AP2B1: variants seen among roughly 807,000 people sequenced by gnomAD.
AP2B1 encodes the protein adaptor related protein complex 2 subunit beta 1.
A neutral mutation model predicts 102.0 loss-of-function variants in AP2B1; 23 were observed. The observed-to-expected ratio is 0.23, with a 90% confidence interval of 0.16 to 0.32. AP2B1 has a LOEUF of 0.32. Ranked by LOEUF, AP2B1 falls within the 10% of genes least tolerant of loss-of-function variation. The pLI, the probability that AP2B1 is intolerant of heterozygous loss-of-function variation, is 1.00. For synonymous variants in AP2B1, 381 were observed against 421.2 expected (o/e 0.90, Z 1.17); for missense variants, 541 against 1,157.4 (o/e 0.47, Z 7.73).
intron 16 of AP2B1, 122 bp downstream of exon 16, chr17:35,672,022 A>C: frequency 9.2e-7 from 1 of 1,092,504 alleles, no homozygotes; most frequent in East Asian, 2.5e-5. Flanking sequence ...GTTCTGGAGG[A>C]CTTAGAGGAA....
chr17:35,628,846 C>CATA (rs2074386531), intron 9 of AP2B1, among the ~76,000 whole-genome samples: 4 of 152,074 alleles, frequency 2.6e-5, no homozygotes, highest in Non-Finnish European at 5.9e-5. Context: ...CAACTGTTGG[C>CATA]TTGCAAAATT....
chr17:35,722,120 T>G (rs781894870), intron 21 of AP2B1, among the ~76,000 whole-genome samples: 11 of 152,176 alleles, frequency 7.2e-5, no homozygotes, highest in Non-Finnish European at 1.3e-4. Context: ...GGCACGCATC[T>G]GTAATCCTAG....
At chr17:35,588,789 T>A (rs531724380) in intron 1 of AP2B1, 1 of 152,364 alleles carries the variant, frequency 6.6e-6, no homozygotes, top group East Asian at 1.9e-4. Flanking sequence ...GCAGAAAGGA[T>A]GATGTATAAT....
intron 18 of AP2B1, among the ~76,000 whole-genome samples, chr17:35,706,790 G>A (rs1463291459): frequency 2.6e-5 from 4 of 151,758 alleles, no homozygotes; most frequent in African/African-American, 7.3e-5. Flanking sequence ...ACAGGTGCCC[G>A]CCACCACACC....
chr17:35,717,130 G>T, intron 20 of AP2B1, 65 bp from the exon 21 acceptor site: 2 of 1,558,300 alleles, frequency 1.3e-6, no homozygotes, highest in South Asian at 1.2e-5. Context: ...AAGGATGTGA[G>T]AAGAGAGTGT....
At position 35,709,247 on chromosome 17, in the gene AP2B1, T is replaced by C. The variant is rs1555586257; in HGVS notation, c.2478T>C (p.Asp826=). Residue 826 remains aspartate (D), a synonymous_variant, in exon 19 of 22, where the codon GAT becomes GAC. Coordinates refer to ENST00000610402, the MANE Select transcript of AP2B1 (RefSeq NM_001030006.2). The stretch of plus-strand genomic sequence containing the variant: ...AGGTGGCTGTGAAAAACAATATCGA[T>C]GTCTTCTACTTCAGCTGCCTCATCC... ...NLQVAVKNNI[D]VFYFSCLIPL... The C allele has an allele frequency of 1.2e-6, 2 of 1,614,180 alleles. No homozygotes were observed. Among genetic ancestry groups the C allele is most frequent in the South Asian group, 1.1e-5 (1 of 91,078 alleles).
intron 5 of AP2B1, among the ~76,000 whole-genome samples, chr17:35,623,046 G>C (rs2074225220): frequency 6.6e-6 from 1 of 150,682 alleles, no homozygotes; most frequent in African/African-American, 2.4e-5. Context: ...TGCAAAACAT[G>C]GTCTTAATTT....
chr17:35,624,827 G>A (rs931890778), intron 6 of AP2B1, among the ~76,000 whole-genome samples: 3 of 152,016 alleles, frequency 2.0e-5, no homozygotes, highest in Non-Finnish European at 2.9e-5. Context: ...CTCTTTTATC[G>A]TCTTACGTCT....
Position 35,624,512 on chromosome 17 carries a change from G to T in AP2B1, c.641G>T (p.Cys214Phe). 1 of 1,614,156 alleles carries T rather than the reference G, an allele frequency of 6.2e-7. No individual in the cohort carries two copies. The highest frequency in any genetic ancestry group is 8.5e-7 in the Non-Finnish European group (1 of 1,180,002). Residue 214 changes from cysteine (C) to phenylalanine (F), a missense_variant, in exon 6 of 22, where the codon TGC becomes TTC. By Grantham distance (205) the Cys-to-Phe change is radical. Coordinates refer to ENST00000610402, the MANE Select transcript of AP2B1 (RefSeq NM_001030006.2). ...INKLLTALNECTEWGQIFILD... is the reference protein window; with the variant it reads ...INKLLTALNEFTEWGQIFILD... Reference sequence around the variant, plus strand: ...AAGCTGCTGACAGCCCTGAATGAATGCACTGAATGGGGCCAGATTTTCATC... The same window carrying T: ...AAGCTGCTGACAGCCCTGAATGAATTCACTGAATGGGGCCAGATTTTCATC...
Position 35,616,142 on chromosome 17 carries a change from C to CTTTT in AP2B1, c.525+7791_525+7794dup, listed in dbSNP as rs71152739. Among the ~76,000 whole-genome samples, 6 of 57,436 alleles carry CTTTT rather than the reference C, an allele frequency of 1.0e-4. 1 individual carries two copies. The highest frequency in any genetic ancestry group is 1.5e-4 in the Non-Finnish European group (5 of 32,994). The allele number at this position is 57,436 out of a possible 152,430, so 37.7% of individuals were successfully genotyped here. A position where few individuals can be genotyped will look rare whatever the true frequency, so the allele number is the denominator to read the frequency against. ...TGAACTTAGGTTTTAAAAAATATCT[C>CTTTT]TTTTTTTTTTTTTTTTTTTTTTTTT... is the stretch of plus-strand genomic sequence containing the variant. On this transcript the variant is annotated intron_variant, in intron 5 of 21. Coordinates refer to ENST00000610402, the MANE Select transcript of AP2B1 (RefSeq NM_001030006.2).
intron 21 of AP2B1, among the ~76,000 whole-genome samples, chr17:35,721,034 T>G (rs1555592948): frequency 1.3e-5 from 2 of 152,134 alleles, no homozygotes; most frequent in African/African-American, 4.8e-5. Flanking sequence ...ATTAATCTGA[T>G]CTGAGCTAAG....
chr17:35,689,082 G>T (rs75610071), intron 18 of AP2B1, among the ~76,000 whole-genome samples: 1,598 of 152,304 alleles, frequency 0.01, 13 homozygotes, highest in Middle Eastern at 0.054. Context: ...AATTATCCAT[G>T]GTTAATATCA....
intron 12 of AP2B1, among the ~76,000 whole-genome samples, chr17:35,644,938 G>T (rs1249808957): frequency 6.6e-6 from 1 of 151,902 alleles, no homozygotes; most frequent in East Asian, 1.9e-4. Flanking sequence ...AGGTTGAGGT[G>T]GGAGGATCGC....
chr17:35,620,768 G>T (rs187281583), intron 5 of AP2B1, among the ~76,000 whole-genome samples: 1 of 152,260 alleles, frequency 6.6e-6, no homozygotes, highest in East Asian at 1.9e-4. Flanking sequence ...AGTGAGCTGT[G>T]ATCAGTGCGA....
intron 16 of AP2B1, among the ~76,000 whole-genome samples, chr17:35,673,831 T>C (rs1156411632): frequency 6.6e-6 from 1 of 152,186 alleles, no homozygotes; most frequent in Non-Finnish European, 1.5e-5. Flanking sequence ...TTATGCTCAT[T>C]GGAATTTTTC....
intron 5 of AP2B1, among the ~76,000 whole-genome samples, chr17:35,619,221 A>G (rs1018259625): frequency 6.6e-6 from 1 of 152,232 alleles, no homozygotes; most frequent in Non-Finnish European, 1.5e-5. Context: ...AGTAGCAGCT[A>G]CTTCAGAGTT....
At chr17:35,639,535 C>T in intron 10 of AP2B1, 60 bp from the exon 11 acceptor site, 1 of 1,498,082 alleles carries the variant, frequency 6.7e-7, no homozygotes, top group East Asian at 2.3e-5. Context: ...CTTTAGCCTT[C>T]ACTGTTAAAT....
intron 20 of AP2B1, among the ~76,000 whole-genome samples, chr17:35,715,971 A>G (rs1373375111): frequency 2.6e-5 from 4 of 152,190 alleles, no homozygotes; most frequent in African/African-American, 4.8e-5. Flanking sequence ...GTTCACGTCT[A>G]TGTCTATGGT....
At chr17:35,626,899 A>G in intron 7 of AP2B1, 57 bp downstream of exon 7, 1 of 1,457,876 alleles carries the variant, frequency 6.9e-7, no homozygotes. Flanking sequence ...TAAGCTTAAT[A>G]ATGTCAATGT....
Sources: gnomAD v4.1 joint callset for allele counts (sites outside exome capture counted in the v4.1 genomes callset) on GRCh38, gnomAD v4.1.1 for gene constraint, MANE v1.5 for transcripts, NCBI Gene and HGNC (gene_info 2026-07-23, HGNC 2026-07-21) for gene names.